CEP250: variants seen among roughly 807,000 people sequenced by gnomAD.
CEP250 encodes centrosome-associated protein CEP250.
In CEP250, 242 loss-of-function variants were observed where a neutral mutation model predicts 315.7. The ratio of observed to expected loss-of-function variants is 0.77; its 90% CI spans 0.69 to 0.85. The LOEUF is 0.85. Ranked by LOEUF, CEP250 falls within the 40% of genes least tolerant of loss-of-function variation. The pLI is 0.00. For synonymous variants in CEP250, 1,088 were observed against 1,175.0 expected, an observed-to-expected ratio of 0.93 and a Z score of 1.51; for missense variants, 2,515 against 2,886.4, an observed-to-expected ratio of 0.87 and a Z score of 2.95.
chr20:35,501,759 A>G (rs1293836272), intron 28 of CEP250, 86 bp from the exon 29 acceptor site: 18 of 1,421,770 alleles, frequency 1.3e-5, no homozygotes, highest in Non-Finnish European at 1.6e-5. Context: ...TCTGTTCCCC[A>G]TCCTCCATCT....
At chr20:35,472,860 C>A in intron 12 of CEP250, 29 bp downstream of exon 12, 2 of 1,612,540 alleles carry the variant, frequency 1.2e-6, no homozygotes, top group South Asian at 2.2e-5. Flanking sequence ...CCACCTCAGT[C>A]ACAGGGGTTT....
chr20:35,505,172 T>TA (rs1299444182), intron 30 of CEP250, among the ~76,000 whole-genome samples, 167 bp downstream of exon 30: 1 of 152,108 alleles, frequency 6.6e-6, no homozygotes, highest in Non-Finnish European at 1.5e-5. Context: ...AGTCGGGAGA[T>TA]ACAGAGAGGA....
chr20:35,510,507 G>A (rs966674063), intron 34 of CEP250, among the ~76,000 whole-genome samples: 1 of 152,214 alleles, frequency 6.6e-6, no homozygotes, highest in Non-Finnish European at 1.5e-5. Context: ...GAAGTGACTT[G>A]AAGAGCCTTC....
intron 34 of CEP250, among the ~76,000 whole-genome samples, chr20:35,510,443 C>T (rs758336085): frequency 5.3e-5 from 8 of 152,054 alleles, no homozygotes; most frequent in Non-Finnish European, 1.2e-4. Context: ...CCAGGCCACA[C>T]AGCTCAGCAC....
Position 35,472,116 on chromosome 20 carries a change from T to A in CEP250, c.1015T>A (p.Leu339Met). 1 of 1,613,060 alleles carries A rather than the reference T, an allele frequency of 6.2e-7. No homozygotes were observed. Among genetic ancestry groups the A allele is most frequent in the South Asian group, 1.1e-5 (1 of 91,062 alleles). Residue 339 changes from leucine to methionine, a missense_variant, in exon 11 of 35, where the codon TTG (leucine) becomes ATG (methionine). Transcript: ENST00000397527. The stretch of plus-strand genomic sequence containing the variant: ...TAGTAGGAATGCGCAAGAGGAGAAG[T>A]TGTCTTTACAGCAGGTGATCAAGGA... ...SLSRNAQEEK[L>M]SLQQVIKDIT...
rs1394086144 is a variant in CEP250 at position 35,519,038 on chromosome 20, A to C, written c.*7412A>C. The C allele has an allele frequency of 6.6e-6, 1 of 152,036 alleles. No homozygotes were observed. The highest frequency in any genetic ancestry group is 1.5e-5 in the Non-Finnish European group (1 of 68,002). 9.4% of individuals were successfully genotyped at this position (152,036 alleles called of 1,614,324 possible). On this transcript the variant is annotated 3_prime_UTR_variant, in exon 35 of 35. Transcript: ENST00000397527. Reference sequence around the variant, plus strand: ...GCAGAGCAAGACTCCGTCTCAAAAAAAAAAAAAATACGAAAAACAAAAAAC... The same window carrying C: ...GCAGAGCAAGACTCCGTCTCAAAAACAAAAAAAATACGAAAAACAAAAAAC...
At chr20:35,467,095 A>T (rs760053107) in intron 8 of CEP250, 23 bp downstream of exon 8, 53 of 1,464,866 alleles carry the variant, frequency 3.6e-5, no homozygotes, top group Non-Finnish European at 4.8e-5. Context: ...AGAAGAAGGG[A>T]GGAGGTTTGC....
At chr20:35,499,955 A>G in intron 27 of CEP250, 94 bp from the exon 28 acceptor site, 1 of 1,528,406 alleles carries the variant, frequency 6.5e-7, no homozygotes, top group Non-Finnish European at 8.9e-7. Context: ...ATGGCGGCCC[A>G]CCACAGAAGC....
chr20:35,488,090 G>A (rs536161116), intron 20 of CEP250, among the ~76,000 whole-genome samples: 2 of 152,348 alleles, frequency 1.3e-5, no homozygotes, highest in South Asian at 4.1e-4. Flanking sequence ...TGGTGTAAAG[G>A]TGGCACTTTG....
intron 24 of CEP250, among the ~76,000 whole-genome samples, chr20:35,495,144 A>G (rs1280594139): frequency 6.6e-6 from 1 of 152,204 alleles, no homozygotes; most frequent in African/African-American, 2.4e-5. Context: ...GAGAAATAAT[A>G]TGCAAAGGCC....
At chr20:35,467,108 C>T (rs1482803071) in intron 8 of CEP250, 36 bp downstream of exon 8, 10 of 1,454,192 alleles carry the variant, frequency 6.9e-6, no homozygotes, top group East Asian at 2.6e-5. Context: ...AGGTTTGCCC[C>T]TACCAATTCT....
At chr20:35,459,048 C>G (rs2062697391) in intron 2 of CEP250, among the ~76,000 whole-genome samples, 1 of 126,468 alleles carries the variant, frequency 7.9e-6, no homozygotes, top group Non-Finnish European at 1.6e-5. Flanking sequence ...CCAGGCTGGT[C>G]TCGAACTCCT....
At chr20:35,507,482 G>A (rs1281512178) in intron 30 of CEP250, among the ~76,000 whole-genome samples, 1 of 152,208 alleles carries the variant, frequency 6.6e-6, no homozygotes, top group Non-Finnish European at 1.5e-5. Flanking sequence ...CAGCCTTCTA[G>A]GAGATGTGAA....
chr20:35,510,920 G>A (rs969074459), intron 34 of CEP250, among the ~76,000 whole-genome samples: 3 of 152,068 alleles, frequency 2.0e-5, no homozygotes, highest in African/African-American at 4.8e-5. Context: ...ACTTGAACCC[G>A]ATGGGGTGGA....
At chr20:35,457,181 T>C (rs910697999) in intron 1 of CEP250, among the ~76,000 whole-genome samples, 4 of 152,178 alleles carry the variant, frequency 2.6e-5, no homozygotes, top group Admixed American at 1.3e-4. Context: ...TAATAGTCAG[T>C]AATAATGGGC....
Position 35,480,281 on chromosome 20 carries a change from G to A in CEP250, c.2586+136G>A. On this transcript the variant is annotated intron_variant, in intron 20 of 34. Transcript: ENST00000397527. ...AAAATCCAACTTCCTGCTATTAAATGAGTTAATATATGAAAAGCACTAAGA... is the reference window on the plus strand; with the variant it reads ...AAAATCCAACTTCCTGCTATTAAATAAGTTAATATATGAAAAGCACTAAGA... The A allele has an allele frequency of 3.5e-6, 3 of 852,834 alleles. No homozygotes were observed. The South Asian group carries it at 5.4e-5, about 15-fold the overall frequency. 52.8% of individuals were successfully genotyped at this position (852,834 alleles called of 1,614,324 possible).
chr20:35,503,403 C>T lies in CEP250; in HGVS notation c.5034C>T (p.Thr1678=), dbSNP rs376512767. ...TCGAGGATCAGAGGACCCGGCAGAC[C>T]AAGATCCTGGAGGAGGACCTGGAAC... The part of the protein sequence containing the change: ...QVLEDQRTRQ[T]KILEEDLEQI... The change falls in exon 30 of 35, where the codon ACC becomes ACT. Residue 1678 remains threonine, a synonymous_variant. Transcript: ENST00000397527. The surrounding 1 kb of genome is among the most constrained non-coding windows in gnomAD (Gnocchi z 4.2). 2.2e-5 allele frequency: 36 copies of T among 1,614,014 alleles called. No homozygotes were observed. Among genetic ancestry groups the T allele is most frequent in the Non-Finnish European group, 2.8e-5 (33 of 1,180,030 alleles).
chr20:35,459,505 G>A (rs1450477131), intron 2 of CEP250, among the ~76,000 whole-genome samples: 1 of 152,060 alleles, frequency 6.6e-6, no homozygotes, highest in Non-Finnish European at 1.5e-5. Context: ...AGTGAGGCTG[G>A]GCTTGGTGGC....
chr20:35,500,339 T>G (rs1303622054), intron 28 of CEP250, among the ~76,000 whole-genome samples, 170 bp downstream of exon 28: 1 of 152,238 alleles, frequency 6.6e-6, no homozygotes, highest in Non-Finnish European at 1.5e-5. Flanking sequence ...TTCGGCTCGC[T>G]GCAACCTATG....
Sources: allele counts gnomAD v4.1 joint callset (sites outside exome capture counted in the v4.1 genomes callset), GRCh38; gene constraint gnomAD v4.1.1; non-coding constraint Gnocchi (gnomAD v3.1); transcripts MANE v1.5; gene names NCBI Gene and HGNC (gene_info 2026-07-23, HGNC 2026-07-21).